Variants in OSBPL10 observed in about 807,000 individuals in gnomAD.
OSBPL10 encodes oxysterol binding protein like 10, also known as oxysterol-binding protein-related protein 10.
OSBPL10 carries 49 observed loss-of-function variants against 81.7 expected under a neutral mutation model. The observed-to-expected ratio is 0.60, with a 90% CI of 0.48 to 0.76. The LOEUF is 0.76. OSBPL10 is among the 30% of genes least tolerant of loss of function. The pLI, the probability that OSBPL10 is intolerant of heterozygous loss-of-function variation, is 0.00. For missense variants in OSBPL10, 923 were observed against 987.8 expected, an observed-to-expected ratio of 0.93 and a Z score of 0.88; for synonymous variants, 419 against 383.6, an observed-to-expected ratio of 1.09 and a Z score of -1.08.
intron 4 of OSBPL10, among the ~76,000 whole-genome samples, chr3:31,792,547 G>A (rs560238935): frequency 6.6e-6 from 1 of 152,226 alleles, no homozygotes; most frequent in South Asian, 2.1e-4. Flanking sequence ...GGAGGGGGGT[G>A]GTGGTTAAAA....
chr3:31,729,353 T>C (rs957309522), intron 6 of OSBPL10, among the ~76,000 whole-genome samples: 1 of 152,012 alleles, frequency 6.6e-6, no homozygotes, highest in African/African-American at 2.4e-5. Context: ...AGAAAGGAAT[T>C]TGATATGGGA....
chr3:31,758,370 T>C (rs1320582683), intron 4 of OSBPL10, among the ~76,000 whole-genome samples: 1 of 152,218 alleles, frequency 6.6e-6, no homozygotes, highest in African/African-American at 2.4e-5. Context: ...ATACCACTGT[T>C]AGCCAAGGGG....
chr3:31,762,211 A>T (rs1343256401), intron 4 of OSBPL10, among the ~76,000 whole-genome samples: 4 of 152,176 alleles, frequency 2.6e-5, no homozygotes, highest in Non-Finnish European at 5.9e-5. Flanking sequence ...TTAACCCAGC[A>T]TTTAGCTCAA....
At chr3:31,662,199 G>T in intron 11 of OSBPL10, 83 bp from the exon 12 acceptor site, 1 of 1,602,882 alleles carries the variant, frequency 6.2e-7, no homozygotes. Flanking sequence ...CAGCCACTCT[G>T]TGTGTCTGCC....
chr3:31,811,299 C>T (rs1015997509), intron 4 of OSBPL10, among the ~76,000 whole-genome samples: 5 of 152,286 alleles, frequency 3.3e-5, no homozygotes, highest in African/African-American at 1.2e-4. Flanking sequence ...CTGGGAAGGG[C>T]GGGGCCCTTT....
chr3:31,841,088 A>G (rs1700482192), intron 3 of OSBPL10, among the ~76,000 whole-genome samples: 1 of 152,150 alleles, frequency 6.6e-6, no homozygotes, highest in Non-Finnish European at 1.5e-5. Context: ...TTGTATTTTT[A>G]GTAGAGACGG....
intron 8 of OSBPL10, among the ~76,000 whole-genome samples, chr3:31,675,478 G>C (rs1358695175): frequency 1.3e-5 from 2 of 152,304 alleles, no homozygotes; most frequent in East Asian, 3.9e-4. Flanking sequence ...GTGATGCAGA[G>C]ATAATGGTAT....
At chr3:31,835,268 T>C (rs1700336591) in intron 3 of OSBPL10, among the ~76,000 whole-genome samples, 1 of 152,302 alleles carries the variant, frequency 6.6e-6, no homozygotes, top group East Asian at 1.9e-4. Flanking sequence ...AAGTTCCCTA[T>C]AAATTAATCC....
intron 4 of OSBPL10, among the ~76,000 whole-genome samples, chr3:31,763,415 C>T (rs147886931): frequency 2.2e-3 from 330 of 152,288 alleles, no homozygotes; most frequent in African/African-American, 7.6e-3. Context: ...CTTCAGACTG[C>T]TTCACCTTTG....
chr3:31,885,293 TCA>T (rs890196833), intron 1 of OSBPL10, among the ~76,000 whole-genome samples: 64 of 152,104 alleles, frequency 4.2e-4, no homozygotes, highest in African/African-American at 1.4e-3. Context: ...ATGTTCACAC[TCA>T]CATACTCACA....
intron 2 of OSBPL10, among the ~76,000 whole-genome samples, chr3:32,013,715 A>G (rs1699283505): frequency 6.6e-6 from 1 of 152,240 alleles, no homozygotes; most frequent in Non-Finnish European, 1.5e-5. Context: ...AATAAAGAAG[A>G]AAAGAGAGAA....
At position 32,072,171 on chromosome 3, in the gene OSBPL10, G is replaced by A. The variant is rs551981236; in HGVS notation, n.185+5225C>T. On this transcript the variant is annotated intron_variant and non_coding_transcript_variant, in intron 1 of 3. Transcript: ENST00000479173. The stretch of plus-strand genomic sequence containing the variant: ...GCACCACCATGCTGTTATATGGGCT[G>A]AAAGAGGTTTCCTTACTACACAAAG... Among the ~76,000 whole-genome samples, 5 of 152,274 alleles carry A rather than the reference G, an allele frequency of 3.3e-5. No individual in the cohort carries two copies. In the South Asian group the frequency reaches 1.0e-3, roughly 32 times the overall value.
At chr3:31,902,697 G>A (rs1184831770) in intron 1 of OSBPL10, among the ~76,000 whole-genome samples, 2 of 152,120 alleles carry the variant, frequency 1.3e-5, no homozygotes, top group East Asian at 3.9e-4. Context: ...TGAGTAGCTG[G>A]GACTACAGGC....
At chr3:31,766,042 TC>T (rs146431432) in intron 4 of OSBPL10, among the ~76,000 whole-genome samples, 4,150 of 152,214 alleles carry the variant, frequency 0.027, 198 homozygotes, top group African/African-American at 0.094. Context: ...CACCTTTCTC[TC>T]CTCTTCTTGC....
intron 2 of OSBPL10, among the ~76,000 whole-genome samples, chr3:32,030,966 G>C (rs1462677352): frequency 2.6e-5 from 4 of 152,046 alleles, no homozygotes; most frequent in African/African-American, 9.7e-5. Context: ...AGGAGTTCGA[G>C]ACCAGCCTGC....
At chr3:31,948,561 A>G (rs906588498) in intron 1 of OSBPL10, among the ~76,000 whole-genome samples, 4 of 152,192 alleles carry the variant, frequency 2.6e-5, no homozygotes, top group Non-Finnish European at 5.9e-5. Flanking sequence ...ATCCTCCGTC[A>G]TATAACTAAC....
intron 1 of OSBPL10, among the ~76,000 whole-genome samples, chr3:31,895,080 A>G (rs1368720034): frequency 6.6e-6 from 1 of 150,886 alleles, no homozygotes; most frequent in African/African-American, 2.5e-5. Flanking sequence ...AGCTACCTCC[A>G]AACTGCTTTT....
intron 2 of OSBPL10, among the ~76,000 whole-genome samples, chr3:32,008,581 CAAAA>C (rs200385884): frequency 6.8e-6 from 1 of 147,428 alleles, no homozygotes; most frequent in Non-Finnish European, 1.5e-5. Context: ...AAAAAAAAGA[CAAAA>C]AAAAACCCAC....
intron 1 of OSBPL10, among the ~76,000 whole-genome samples, chr3:31,953,580 G>T (rs1456777233): frequency 6.6e-6 from 1 of 151,852 alleles, no homozygotes; most frequent in African/African-American, 2.4e-5. Context: ...GCTAATTTTT[G>T]TATTTTTTGT....
Sources: allele counts gnomAD v4.1 joint callset (sites outside exome capture counted in the v4.1 genomes callset), GRCh38; gene constraint gnomAD v4.1.1; transcripts MANE v1.5; gene names NCBI Gene and HGNC (gene_info 2026-07-23, HGNC 2026-07-21).